Variants in FCRL2 observed in about 807,000 individuals in gnomAD.
FCRL2 encodes Fc receptor like 2, also known as Fc receptor-like protein 2.
A neutral mutation model predicts 59.8 loss-of-function variants in FCRL2; 48 were observed. The ratio of observed to expected loss-of-function variants is 0.80; its 90% CI spans 0.64 to 1.02. The LOEUF is 1.02. Ranked by LOEUF, FCRL2 falls within the 50% of genes least tolerant of loss-of-function variation. The probability of loss-of-function intolerance (pLI) is 0.00; values close to 1 mark genes in which losing one functional copy is unlikely to be tolerated. For synonymous variants in FCRL2, 251 were observed against 229.5 expected (o/e 1.09, Z -0.85); for missense variants, 658 against 597.3 (o/e 1.10, Z -1.06).
In FCRL2 at chr1:157,746,121, C is replaced by T. The variant is rs1427832789; in HGVS notation, c.*615G>A. On this transcript the variant is annotated 3_prime_UTR_variant, in exon 12 of 12. Coordinates refer to ENST00000361516, the MANE Select transcript of FCRL2 (RefSeq NM_030764.4). ...AAACTTACCAACCAACACAAAAGCC[C>T]TAGACCAGATGGATTCATAGCTGAA... The T allele has an allele frequency of 6.6e-6, 1 of 152,310 alleles. No homozygotes were observed. The highest frequency in any genetic ancestry group is 1.9e-4 in the East Asian group (1 of 5,202). 9.4% of individuals were successfully genotyped at this position (152,310 alleles called of 1,614,324 possible).
At chr1:157,749,403 G>T (rs1012403917) in intron 8 of FCRL2, among the ~76,000 whole-genome samples, 7 of 152,088 alleles carry the variant, frequency 4.6e-5, no homozygotes, top group Admixed American at 1.3e-4. Flanking sequence ...TTGAATATAT[G>T]AATTTATATA....
chr1:157,764,515 A>C (rs1052240578), intron 7 of FCRL2, among the ~76,000 whole-genome samples: 2 of 152,244 alleles, frequency 1.3e-5, no homozygotes, highest in Non-Finnish European at 2.9e-5. Context: ...ACAACTACAG[A>C]ATACGCATTT....
intron 2 of FCRL2, among the ~76,000 whole-genome samples, chr1:157,771,421 G>A (rs1248873185): frequency 6.6e-6 from 1 of 152,170 alleles, no homozygotes; most frequent in East Asian, 1.9e-4. Flanking sequence ...AAACCATCAA[G>A]TGGCGTAGAT....
chr1:157,767,145 C>A, intron 6 of FCRL2, 86 bp downstream of exon 6: 1 of 1,495,494 alleles, frequency 6.7e-7, no homozygotes, highest in Non-Finnish European at 9.0e-7. Context: ...GATCACCTTC[C>A]CCCTCTTCAC....
At chr1:157,761,317 T>C (rs914218126) in intron 7 of FCRL2, among the ~76,000 whole-genome samples, 8 of 152,164 alleles carry the variant, frequency 5.3e-5, no homozygotes, top group Admixed American at 4.6e-4. Context: ...TTGTTAGACA[T>C]AGAAAACAGA....
chr1:157,765,691 T>C (rs538266671), intron 7 of FCRL2, among the ~76,000 whole-genome samples: 2 of 152,336 alleles, frequency 1.3e-5, no homozygotes, highest in South Asian at 2.1e-4. Flanking sequence ...ATTCAAACTC[T>C]TGGTGTTATA....
intron 2 of FCRL2, among the ~76,000 whole-genome samples, chr1:157,772,749 A>G (rs534554542): frequency 6.6e-6 from 1 of 152,276 alleles, no homozygotes; most frequent in African/African-American, 2.4e-5. Flanking sequence ...AAAAAAGAGG[A>G]AGTATTTTTA....
intron 2 of FCRL2, among the ~76,000 whole-genome samples, chr1:157,772,135 G>A (rs547629026): frequency 3.0e-4 from 46 of 150,922 alleles, no homozygotes; most frequent in African/African-American, 1.1e-3. Flanking sequence ...TAGATCTCAT[G>A]GAAACGCCAC....
rs1447065904 is a variant in FCRL2, at chr1:157,769,870, C to T, written c.591G>A (p.Val197=). 1.9e-6 allele frequency: 3 copies of T among 1,613,644 alleles called. No individual in the cohort carries two copies. Among genetic ancestry groups the T allele is most frequent in the Non-Finnish European group, 2.5e-6 (3 of 1,179,698 alleles). ...RKQSLQSQIH[V]QRIPISNVSL... ...CTCAGCCTCACTGATACTTGCTCTG[C>T]ACGTGAATCTGGGATTGGAGGCTCT... is the stretch of plus-strand genomic sequence containing the variant. The change falls in exon 4 of 12, where the codon GTG becomes GTA. Residue 197 remains valine (V), a synonymous_variant. Transcript: ENST00000361516.
At chr1:157,774,676 C>T (rs1650275108) in intron 2 of FCRL2, among the ~76,000 whole-genome samples, 1 of 152,190 alleles carries the variant, frequency 6.6e-6, no homozygotes, top group South Asian at 2.1e-4. Flanking sequence ...TCCAGACAGA[C>T]AGTGGAGTGA....
chr1:157,770,704 G>A lies in FCRL2; in HGVS notation c.53-38C>T, dbSNP rs80143325. On this transcript the variant is annotated intron_variant, in intron 2 of 11. Coordinates refer to ENST00000361516, the MANE Select transcript of FCRL2 (RefSeq NM_030764.4). ...GAGGGAAACCGGATTTGCCATTTCTGCAGAGAACCCAGACAGACTCCATTG... is the reference window on the plus strand; with the variant it reads ...GAGGGAAACCGGATTTGCCATTTCTACAGAGAACCCAGACAGACTCCATTG... 4,269 of 1,611,048 alleles carry A rather than the reference G, an allele frequency of 2.6e-3. 93 individuals are homozygous for A. In the African/African-American group the frequency reaches 0.051, roughly 19 times the overall value.
intron 5 of FCRL2, 79 bp from the exon 6 acceptor site, chr1:157,767,588 C>G: frequency 6.2e-7 from 1 of 1,614,206 alleles, no homozygotes; most frequent in Non-Finnish European, 8.5e-7. Flanking sequence ...GCAGGCTCAG[C>G]AAAGGGCCTG....
chr1:157,765,047 A>T (rs955438113), intron 7 of FCRL2, among the ~76,000 whole-genome samples: 7 of 152,200 alleles, frequency 4.6e-5, no homozygotes, highest in Non-Finnish European at 1.0e-4. Context: ...CTTTGAAAAG[A>T]TCAACAAAAT....
At chr1:157,775,606 T>A (rs370965567) in intron 2 of FCRL2, among the ~76,000 whole-genome samples, 169 bp downstream of exon 2, 1 of 152,222 alleles carries the variant, frequency 6.6e-6, no homozygotes, top group Non-Finnish European at 1.5e-5. Flanking sequence ...CACCCAGACA[T>A]GCAAGTGGTG....
chr1:157,759,502 A>G (rs931799212), intron 7 of FCRL2, among the ~76,000 whole-genome samples: 6 of 152,244 alleles, frequency 3.9e-5, no homozygotes, highest in Non-Finnish European at 8.8e-5. Flanking sequence ...AACAAAGTAA[A>G]TAAACAATCT....
At chr1:157,766,802 C>G (rs754577955) in intron 7 of FCRL2, 53 bp downstream of exon 7, 1 of 1,604,596 alleles carries the variant, frequency 6.2e-7, no homozygotes, top group East Asian at 2.2e-5. Flanking sequence ...CAATCTATAT[C>G]AGTAGTGGAA....
At chr1:157,767,727 T>A (rs942733820) in intron 5 of FCRL2, 6 of 1,522,592 alleles carry the variant, frequency 3.9e-6, no homozygotes, top group Non-Finnish European at 5.3e-6. Flanking sequence ...GACACGGTCA[T>A]CTGTTGTTCT....
intron 9 of FCRL2, 73 bp from the exon 10 acceptor site, chr1:157,748,691 C>A (rs1647951708): frequency 7.4e-7 from 1 of 1,351,992 alleles, no homozygotes; most frequent in African/African-American, 1.4e-5. Context: ...CTTCCCAGGC[C>A]CTGGCTTAAT....
intron 7 of FCRL2, among the ~76,000 whole-genome samples, chr1:157,763,494 C>G (rs1649259291): frequency 6.6e-6 from 1 of 152,098 alleles, no homozygotes; most frequent in African/African-American, 2.4e-5. Context: ...CATTGTGCTC[C>G]AGCCTGGGTG....
Sources: gnomAD v4.1 joint callset for allele counts (sites outside exome capture counted in the v4.1 genomes callset) on GRCh38, gnomAD v4.1.1 for gene constraint, MANE v1.5 for transcripts, NCBI Gene and HGNC (gene_info 2026-07-23, HGNC 2026-07-21) for gene names.